The following POU2F1 variants were observed in gnomAD, a reference collection of about 807,000 sequenced individuals.
POU2F1 encodes the protein POU class 2 homeobox 1, also known as POU domain, class 2, transcription factor 1.
Under a neutral mutation model 84.9 loss-of-function variants are expected in POU2F1, and 16 were observed. That is an observed-to-expected ratio of 0.19 (90% CI 0.13 to 0.29). The LOEUF is 0.29. Ranked by LOEUF, POU2F1 falls within the 10% of genes least tolerant of loss-of-function variation. POU2F1 has a pLI of 1.00. For missense variants in POU2F1, 738 were observed against 942.6 expected, an observed-to-expected ratio of 0.78 and a Z score of 2.84; for synonymous variants, 368 against 368.3, an observed-to-expected ratio of 1.00 and a Z score of 0.01.
At chr1:167,249,538 AG>A (rs1471646606) in intron 1 of POU2F1, among the ~76,000 whole-genome samples, 1 of 152,144 alleles carries the variant, frequency 6.6e-6, no homozygotes, top group East Asian at 1.9e-4. Context: ...GGAGCAAGGG[AG>A]TGGAAAGTCT....
At chr1:167,302,856 A>G (rs932301443) in intron 1 of POU2F1, among the ~76,000 whole-genome samples, 2 of 152,124 alleles carry the variant, frequency 1.3e-5, no homozygotes, top group Non-Finnish European at 2.9e-5. Flanking sequence ...CCATTTCTTT[A>G]TTGGTTTATG....
intron 1 of POU2F1, among the ~76,000 whole-genome samples, chr1:167,242,064 T>G (rs1390205920): frequency 6.6e-6 from 1 of 152,216 alleles, no homozygotes; most frequent in Non-Finnish European, 1.5e-5. Flanking sequence ...CCAATTGCTT[T>G]TATCAGGATT....
chr1:167,246,789 T>A (rs1201949167), intron 1 of POU2F1, among the ~76,000 whole-genome samples: 5 of 152,214 alleles, frequency 3.3e-5, no homozygotes, highest in African/African-American at 1.2e-4. Context: ...TTTAAAAAGG[T>A]GAAATTTGGA....
Position 167,374,281 on chromosome 1 carries a change from C to A in POU2F1, c.576C>A (p.Pro192=). Residue 192 remains proline, a synonymous_variant, in exon 6 of 16, where the codon CCC becomes CCA. Coordinates refer to ENST00000367866, the MANE Select transcript of POU2F1 (RefSeq NM_002697.4). ...TPMTQIPLSQ[P]IQIAQDLQQL... ...TGACGCAGATCCCCCTGTCTCAGCC[C>A]ATACAGATCGCACAGGTGAGTGAGG... 1 of 1,602,048 alleles carries A rather than the reference C, an allele frequency of 6.2e-7. No homozygotes were observed. Among genetic ancestry groups the A allele is most frequent in the Non-Finnish European group, 8.5e-7 (1 of 1,174,732 alleles).
At chr1:167,323,059 T>G (rs1656438343) in intron 1 of POU2F1, among the ~76,000 whole-genome samples, 1 of 152,324 alleles carries the variant, frequency 6.6e-6, no homozygotes, top group East Asian at 1.9e-4. Flanking sequence ...ATGGCCAGAT[T>G]TGGGGGCCTA....
intron 13 of POU2F1, among the ~76,000 whole-genome samples, chr1:167,411,564 TG>T (rs1649970729): frequency 6.6e-6 from 1 of 152,182 alleles, no homozygotes; most frequent in Non-Finnish European, 1.5e-5. Flanking sequence ...CTCCTTGTTT[TG>T]ATTTTTCTGA....
At position 167,401,396 on chromosome 1, in the gene POU2F1, C is replaced by A; in HGVS notation, c.1450-55C>A. On this transcript the variant is annotated intron_variant, in intron 12 of 15. Coordinates refer to ENST00000367866, the MANE Select transcript of POU2F1 (RefSeq NM_002697.4). ...CAAAGAAAGACTGTAAAATCATTTC[C>A]TCTTTAAGTTTTGATTTTAAGTGCT... The A allele has an allele frequency of 3.2e-6, 4 of 1,236,854 alleles. No homozygotes were observed. The South Asian group carries it at 3.9e-5, about 12-fold the overall frequency. The allele number at this position is 1,236,854 out of a possible 1,614,324, so 76.6% of individuals were successfully genotyped here.
At chr1:167,398,701 A>T (rs1648984859) in intron 11 of POU2F1, among the ~76,000 whole-genome samples, 1 of 152,230 alleles carries the variant, frequency 6.6e-6, no homozygotes, top group South Asian at 2.1e-4. Flanking sequence ...TGACTTCTCT[A>T]ATTCAGAAAA....
chr1:167,394,940 A>G (rs925990632), intron 9 of POU2F1, among the ~76,000 whole-genome samples: 7 of 152,220 alleles, frequency 4.6e-5, no homozygotes, highest in Admixed American at 3.9e-4. Context: ...GGGGGAATCA[A>G]AAGACTGGGA....
intron 1 of POU2F1, among the ~76,000 whole-genome samples, chr1:167,273,582 TG>T (rs1308493853): frequency 1.3e-5 from 2 of 152,246 alleles, no homozygotes; most frequent in Non-Finnish European, 2.9e-5. Flanking sequence ...TTGCCCCATC[TG>T]GAGCAGCAGC....
At chr1:167,244,391 G>A (rs182778469) in intron 1 of POU2F1, among the ~76,000 whole-genome samples, 76 of 152,276 alleles carry the variant, frequency 5.0e-4, no homozygotes, top group African/African-American at 1.8e-3. Context: ...GAGGACCCTG[G>A]TTTCTTCCTG....
rs1197814755 is a variant in POU2F1 at position 167,358,716 on chromosome 1, C to CT, written c.128-6730dup. 7.5e-3 allele frequency among the ~76,000 whole-genome samples: 288 copies of CT among 38,348 alleles called. 27 individuals carry two copies. The highest frequency in any genetic ancestry group is 0.012 in the Non-Finnish European group (204 of 16,430). The allele number at this position is 38,348 out of a possible 152,430, so 25.2% of individuals were successfully genotyped here. On this transcript the variant is annotated intron_variant, in intron 2 of 15. Coordinates refer to ENST00000367866, the MANE Select transcript of POU2F1 (RefSeq NM_002697.4). ...TTCTTAATCTTTTTATTATCTGCAGCTTTTTTTTTTTTTTTTTTTTTGAGA... is the reference window on the plus strand; with the variant it reads ...TTCTTAATCTTTTTATTATCTGCAGCTTTTTTTTTTTTTTTTTTTTTTGAGA...
chr1:167,371,781 TAAAA>T (rs1230509097), intron 4 of POU2F1, 132 bp from the exon 5 acceptor site: 15 of 1,205,314 alleles, frequency 1.2e-5, no homozygotes, highest in Non-Finnish European at 1.8e-5. Flanking sequence ...AAAATACAAA[TAAAA>T]GAAAGGAGGT....
Position 167,298,388 on chromosome 1 carries a change from T to C in POU2F1, c.62-34082T>C, listed in dbSNP as rs541028801. Among the ~76,000 whole-genome samples the C allele has an allele frequency of 3.9e-5, 6 of 152,274 alleles. No individual in the cohort carries two copies. The East Asian group carries it at 1.2e-3, about 29-fold the overall frequency. On this transcript the variant is annotated intron_variant, in intron 1 of 15. Coordinates refer to ENST00000367866, the MANE Select transcript of POU2F1 (RefSeq NM_002697.4). ...GAACATTTAAGTAAAAATGTATCTA[T>C]GATACAAGCATTTTCTAATTTAAGA...
intron 1 of POU2F1, among the ~76,000 whole-genome samples, chr1:167,326,887 T>G (rs1182596359): frequency 6.6e-6 from 1 of 152,164 alleles, no homozygotes; most frequent in Non-Finnish European, 1.5e-5. Context: ...TTACATAAAG[T>G]AGAAAAGGGC....
chr1:167,415,354 T>G, intron 15 of POU2F1, 146 bp from the exon 16 acceptor site: 1 of 794,368 alleles, frequency 1.3e-6, no homozygotes, highest in Non-Finnish European at 2.0e-6. Context: ...TATAGCACTG[T>G]GTTTGAGGAA....
intron 1 of POU2F1, among the ~76,000 whole-genome samples, chr1:167,250,099 TA>T: frequency 6.6e-6 from 1 of 152,308 alleles, no homozygotes; most frequent in South Asian, 2.1e-4. Flanking sequence ...TTTTTCAGTA[TA>T]TTTTCTAACA....
intron 1 of POU2F1, among the ~76,000 whole-genome samples, chr1:167,225,686 T>C (rs1332429209): frequency 3.9e-5 from 6 of 152,252 alleles, no homozygotes; most frequent in Non-Finnish European, 7.3e-5. Flanking sequence ...ATATTTGACC[T>C]GCTTCTTGAA....
At position 167,418,045 on chromosome 1, in the gene POU2F1, G is replaced by A. The variant is rs1418572484; in HGVS notation, c.*2235G>A. The A allele has an allele frequency of 6.6e-6, 1 of 152,152 alleles. No individual in the cohort carries two copies. The highest frequency in any genetic ancestry group is 1.5e-5 in the Non-Finnish European group (1 of 68,042). 9.4% of individuals were successfully genotyped at this position (152,152 alleles called of 1,614,324 possible). A position where few individuals can be genotyped will look rare whatever the true frequency, so the allele number is the denominator to read the frequency against. ...AATGTCCATTCACCCTTTTTGTGTG[G>A]TGTGTTTTTTTATGTTTTGTTTTGT... is the stretch of plus-strand genomic sequence containing the variant. On this transcript the variant is annotated 3_prime_UTR_variant, in exon 16 of 16. Coordinates refer to ENST00000367866, the MANE Select transcript of POU2F1 (RefSeq NM_002697.4).
Sources: allele counts gnomAD v4.1 joint callset (sites outside exome capture counted in the v4.1 genomes callset), GRCh38; gene constraint gnomAD v4.1.1; transcripts MANE v1.5; gene names NCBI Gene and HGNC (gene_info 2026-07-23, HGNC 2026-07-21).